Variants in ECE1 observed in about 807,000 individuals in gnomAD.
The protein encoded by ECE1 is endothelin-converting enzyme 1.
In ECE1, 35 loss-of-function variants were observed where a neutral mutation model predicts 98.6. The observed-to-expected ratio is 0.35, with a 90% CI of 0.27 to 0.47. ECE1 has a LOEUF of 0.47. Ranked by LOEUF, ECE1 falls within the 20% of genes least tolerant of loss-of-function variation. ECE1 has a pLI of 1.00. For missense variants in ECE1, 814 were observed against 1,025.3 expected (o/e 0.79, Z 2.81); for synonymous variants, 394 against 407.1 (o/e 0.97, Z 0.39).
intron 1 of ECE1, among the ~76,000 whole-genome samples, chr1:21,302,922 CTGGGCT>C (rs1638517827): frequency 6.6e-6 from 1 of 152,208 alleles, no homozygotes; most frequent in South Asian, 2.1e-4. Flanking sequence ...GGCCCTGGGC[CTGGGCT>C]GGCTGATTTC....
upstream of ECE1, among the ~76,000 whole-genome samples, chr1:21,295,375 A>G (rs1189031692): frequency 6.6e-6 from 1 of 152,232 alleles, no homozygotes; most frequent in Non-Finnish European, 1.5e-5. Context: ...AAACCCAAGT[A>G]ACACAACTTT....
Position 21,335,339 on chromosome 1 carries a change from G to A in ECE1, c.3+10037C>T, listed in dbSNP as rs143786422. 3.3e-5 allele frequency among the ~76,000 whole-genome samples: 5 copies of A among 152,248 alleles called. No individual in the cohort carries two copies. In the East Asian group the frequency reaches 9.7e-4, roughly 29 times the overall value. On this transcript the variant is annotated intron_variant, in intron 1 of 18. Transcript: ENST00000415912. ...TTCTCTCGGAGCGATCCTTCTGGTG[G>A]GTGGCTTTGCCTGTTTGGTCTCCAG... is the stretch of plus-strand genomic sequence containing the variant.
rs1476272508 is a variant in ECE1 at position 21,340,484 on chromosome 1, C to T, written c.3+4892G>A. The stretch of plus-strand genomic sequence containing the variant: ...GGCCTCACTCCTTCTACTCAATCAC[C>T]ACAAAGCAGCCTGTGACCATCTCAG... On this transcript the variant is annotated intron_variant, in intron 1 of 18. Transcript: ENST00000415912. This position sits in a 1 kb window ranked among gnomAD's most constrained non-coding sequence, Gnocchi z 4.6. Among the ~76,000 whole-genome samples the T allele has an allele frequency of 6.6e-6, 1 of 152,234 alleles. No individual in the cohort carries two copies. Among genetic ancestry groups the T allele is most frequent in the East Asian group, 1.9e-4 (1 of 5,200 alleles).
intron 1 of ECE1, among the ~76,000 whole-genome samples, chr1:21,308,383 A>G (rs941947593): frequency 6.6e-6 from 1 of 151,978 alleles, no homozygotes; most frequent in African/African-American, 2.4e-5. Flanking sequence ...GGTTGCCAGG[A>G]TCCTCCCCAC....
At chr1:21,256,557 CA>C (rs761345651) in intron 7 of ECE1, 29 of 144,084 alleles carry the variant, frequency 2.0e-4, no homozygotes, top group Non-Finnish European at 2.4e-4. Context: ...GACTTTGTCT[CA>C]AAAAAAAAAG....
At chr1:21,320,991 G>C (rs1638951243) in intron 1 of ECE1, among the ~76,000 whole-genome samples, 1 of 152,234 alleles carries the variant, frequency 6.6e-6, no homozygotes, top group Non-Finnish European at 1.5e-5. Context: ...GGAGCTGTCT[G>C]TAACTCATCA....
chr1:21,316,285 T>C (rs1434190235), intron 1 of ECE1, among the ~76,000 whole-genome samples: 1 of 152,198 alleles, frequency 6.6e-6, no homozygotes, highest in African/African-American at 2.4e-5. Flanking sequence ...TGTTTGTTTT[T>C]TGAGAAAGAG....
intron 10 of ECE1, among the ~76,000 whole-genome samples, chr1:21,243,178 C>T (rs1410989647): frequency 1.3e-5 from 2 of 152,184 alleles, no homozygotes; most frequent in Non-Finnish European, 2.9e-5. Context: ...CTTTCCCTCA[C>T]TGAGCCTCGA....
intron 1 of ECE1, among the ~76,000 whole-genome samples, chr1:21,337,623 T>C (rs1309491603): frequency 3.9e-5 from 6 of 152,182 alleles, no homozygotes; most frequent in Non-Finnish European, 7.3e-5. Context: ...GTAACAGTCA[T>C]GACAATAACA....
At chr1:21,263,427 G>A (rs2098229716) in intron 4 of ECE1, among the ~76,000 whole-genome samples, 1 of 151,868 alleles carries the variant, frequency 6.6e-6, no homozygotes, top group Non-Finnish European at 1.5e-5. Context: ...CGCAATCTCG[G>A]CTCACTGCAA....
At position 21,290,271 on chromosome 1, in the gene ECE1, C is replaced by T; in HGVS notation, c.51+93G>A. The T allele has an allele frequency of 7.5e-7, 1 of 1,328,886 alleles. No individual in the cohort carries two copies. Among genetic ancestry groups the T allele is most frequent in the African/African-American group, 1.5e-5 (1 of 65,332 alleles). 82.3% of individuals were successfully genotyped at this position (1,328,886 alleles called of 1,614,324 possible). A position where few individuals can be genotyped will look rare whatever the true frequency, so the allele number is the denominator to read the frequency against. ...CCGCCGCGCCCCGCCCCGGCCTGGA[C>T]ACCCGAGACCGAGACCGGCCCACGG... On this transcript the variant is annotated intron_variant, in intron 1 of 18. Transcript: ENST00000374893. The surrounding 1 kb of genome is among the most constrained non-coding windows in gnomAD (Gnocchi z 7.3).
At chr1:21,326,903 C>T (rs573020458) in intron 1 of ECE1, among the ~76,000 whole-genome samples, 3 of 152,244 alleles carry the variant, frequency 2.0e-5, no homozygotes, top group African/African-American at 7.2e-5. Context: ...GGCATCAGCT[C>T]GGGTCCCTGG....
intron 17 of ECE1, among the ~76,000 whole-genome samples, chr1:21,224,711 T>G (rs2098171573): frequency 6.6e-6 from 1 of 152,198 alleles, no homozygotes; most frequent in Non-Finnish European, 1.5e-5. Context: ...TCCGCGAGCA[T>G]CTCTGAGTGT....
chr1:21,269,154 A>G (rs371269026), intron 4 of ECE1, among the ~76,000 whole-genome samples: 81 of 152,338 alleles, frequency 5.3e-4, no homozygotes, highest in African/African-American at 1.9e-3. Context: ...TCCCTGCTGA[A>G]TCTGACAGTA....
intron 1 of ECE1, among the ~76,000 whole-genome samples, chr1:21,335,349 C>A (rs927424790): frequency 3.9e-5 from 6 of 152,180 alleles, no homozygotes; most frequent in Non-Finnish European, 8.8e-5. Context: ...GGTGGCTTTG[C>A]CTGTTTGGTC....
At chr1:21,308,402 A>G (rs931962609) in intron 1 of ECE1, among the ~76,000 whole-genome samples, 1 of 152,042 alleles carries the variant, frequency 6.6e-6, no homozygotes, top group Non-Finnish European at 1.5e-5. Context: ...ACAAACGGCA[A>G]AGCACTCTCT....
chr1:21,261,038 G>C (rs1259839100), intron 4 of ECE1, among the ~76,000 whole-genome samples: 1 of 152,092 alleles, frequency 6.6e-6, no homozygotes, highest in Non-Finnish European at 1.5e-5. Context: ...CAGTGCCCTG[G>C]TCCAGATGCC....
In ECE1 at chr1:21,220,589, G is replaced by T. The variant is rs1289259810; in HGVS notation, c.2137-458C>A. Reference sequence around the variant, plus strand: ...GTGGCGGTGGATCACTTGAGGCCAGGAGTTCGAGACCGGCCTGACAAACAT... The same window carrying T: ...GTGGCGGTGGATCACTTGAGGCCAGTAGTTCGAGACCGGCCTGACAAACAT... On this transcript the variant is annotated intron_variant, in intron 18 of 18. Transcript: ENST00000374893. The surrounding 1 kb of genome is among the most constrained non-coding windows in gnomAD (Gnocchi z 5.0). Among the ~76,000 whole-genome samples, 1 of 152,138 alleles carries T rather than the reference G, an allele frequency of 6.6e-6. No individual in the cohort carries two copies. The highest frequency in any genetic ancestry group is 1.5e-5 in the Non-Finnish European group (1 of 68,038).
At chr1:21,273,296 T>TGTGTGTGC (rs1454357370) in intron 3 of ECE1, among the ~76,000 whole-genome samples, 1 of 152,112 alleles carries the variant, frequency 6.6e-6, no homozygotes, top group Non-Finnish European at 1.5e-5. Context: ...ATGGAGTGCG[T>TGTGTGTGC]GTGTGTGCAT....
Sources: gnomAD v4.1 joint callset for allele counts (sites outside exome capture counted in the v4.1 genomes callset) on GRCh38, gnomAD v4.1.1 for gene constraint, Gnocchi (gnomAD v3.1) non-coding constraint, MANE v1.5 for transcripts, NCBI Gene and HGNC (gene_info 2026-07-23, HGNC 2026-07-21) for gene names.